MAPK4: variants seen among roughly 807,000 people sequenced by gnomAD.
MAPK4 encodes the protein Erk3-related.
Under a neutral mutation model 47.7 loss-of-function variants are expected in MAPK4, and 22 were observed. That is an observed-to-expected ratio of 0.46 (90% CI 0.33 to 0.66). The LOEUF is 0.66. Ranked by LOEUF, MAPK4 falls within the 30% of genes least tolerant of loss-of-function variation. The pLI, the probability that MAPK4 is intolerant of heterozygous loss-of-function variation, is 0.02. For synonymous variants in MAPK4, 390 were observed against 365.7 expected, an observed-to-expected ratio of 1.07 and a Z score of -0.76; for missense variants, 736 against 831.7, an observed-to-expected ratio of 0.88 and a Z score of 1.42.
At chr18:50,640,327 G>A (rs2042928524) in intron 1 of MAPK4, among the ~76,000 whole-genome samples, 1 of 150,532 alleles carries the variant, frequency 6.6e-6, no homozygotes, top group African/African-American at 2.4e-5. Flanking sequence ...AAAGAAACTT[G>A]GACTTATACA....
At chr18:50,695,737 G>A (rs17804724) in intron 2 of MAPK4, among the ~76,000 whole-genome samples, 22,786 of 152,134 alleles carry the variant, frequency 0.15, 2,033 homozygotes, top group East Asian at 0.24. Context: ...GAGAAATAAG[G>A]CTGCAGGATT....
At chr18:50,620,954 C>G (rs1037774585) in intron 1 of MAPK4, among the ~76,000 whole-genome samples, 2 of 152,034 alleles carry the variant, frequency 1.3e-5, no homozygotes, top group African/African-American at 4.8e-5. Context: ...GCCAAGTATC[C>G]TCTTTATTAT....
chr18:50,640,619 C>T (rs2144180017), intron 1 of MAPK4, among the ~76,000 whole-genome samples: 2 of 152,252 alleles, frequency 1.3e-5, no homozygotes, highest in African/African-American at 4.8e-5. Flanking sequence ...GTGTGCGCCA[C>T]CACGTCTGGC....
intron 1 of MAPK4, among the ~76,000 whole-genome samples, chr18:50,626,534 A>G (rs1195446266): frequency 6.6e-6 from 1 of 152,126 alleles, no homozygotes; most frequent in African/African-American, 2.4e-5. Context: ...CTTTGGCCCA[A>G]GGGTTCATCA....
At chr18:50,619,743 A>T (rs906810848) in intron 1 of MAPK4, among the ~76,000 whole-genome samples, 1 of 152,216 alleles carries the variant, frequency 6.6e-6, no homozygotes, top group Non-Finnish European at 1.5e-5. Flanking sequence ...GAGCACACTC[A>T]CACTCCATGG....
At chr18:50,687,896 C>T (rs964742405) in intron 2 of MAPK4, among the ~76,000 whole-genome samples, 2 of 152,088 alleles carry the variant, frequency 1.3e-5, no homozygotes, top group African/African-American at 4.8e-5. Flanking sequence ...TCAGGTGTCT[C>T]CTGGGTCCTA....
intron 1 of MAPK4, among the ~76,000 whole-genome samples, chr18:50,628,450 TGTTG>T (rs1344710841): frequency 6.6e-6 from 1 of 152,226 alleles, no homozygotes; most frequent in Admixed American, 6.5e-5. Context: ...TAGAATCAAA[TGTTG>T]GCCTTTTGGG....
chr18:50,654,095 A>G (rs971617036), intron 1 of MAPK4, among the ~76,000 whole-genome samples: 3 of 152,324 alleles, frequency 2.0e-5, no homozygotes, highest in Middle Eastern at 3.4e-3. Context: ...CACATCTGCC[A>G]TTGCTGGTCG....
At chr18:50,598,830 G>A (rs965657776) in intron 1 of MAPK4, among the ~76,000 whole-genome samples, 2 of 152,128 alleles carry the variant, frequency 1.3e-5, no homozygotes, top group African/African-American at 4.8e-5. Context: ...CTGAAGCTAG[G>A]TTTGTCTGAT....
At chr18:50,638,505 G>T (rs925389148) in intron 1 of MAPK4, among the ~76,000 whole-genome samples, 2 of 152,172 alleles carry the variant, frequency 1.3e-5, no homozygotes, top group African/African-American at 4.8e-5. Context: ...CACCCTGAAG[G>T]TTTCCGTATT....
At position 50,729,894 on chromosome 18, in the gene MAPK4, C is replaced by A. The variant is rs779164547; in HGVS notation, c.*40C>A. 6.7e-7 allele frequency: 1 copy of A among 1,498,584 alleles called. No homozygotes were observed. The highest frequency in any genetic ancestry group is 2.1e-5 in the Admixed American group (1 of 48,406). 92.8% of individuals were successfully genotyped at this position (1,498,584 alleles called of 1,614,324 possible). Reference sequence around the variant, plus strand: ...CTCCAGGCCCCACAGAGCAGGAGACCCCCAGAGAAAGCCGGGGCTGGCAGG... The same window carrying A: ...CTCCAGGCCCCACAGAGCAGGAGACACCCAGAGAAAGCCGGGGCTGGCAGG... On this transcript the variant is annotated 3_prime_UTR_variant, in exon 6 of 6. Transcript: ENST00000400384.
intron 1 of MAPK4, among the ~76,000 whole-genome samples, chr18:50,579,203 G>T (rs577796582): frequency 1.3e-5 from 2 of 152,240 alleles, no homozygotes; most frequent in East Asian, 3.9e-4. Context: ...GAACATGCAC[G>T]TGCAGGAGAC....
rs954583623 is a variant in MAPK4, at chr18:50,730,687, C to G, written c.*833C>G. 1 of 152,602 alleles carries G rather than the reference C, an allele frequency of 6.6e-6. No homozygotes were observed. The highest frequency in any genetic ancestry group is 2.4e-5 in the African/African-American group (1 of 41,396). 9.5% of individuals were successfully genotyped at this position (152,602 alleles called of 1,614,324 possible). On this transcript the variant is annotated 3_prime_UTR_variant, in exon 6 of 6. Transcript: ENST00000400384. ...ACACCCCCTCAGCACTCCCTATGCA[C>G]TTTCCTGACACGCAAAGACACAGCC...
At chr18:50,691,084 C>T (rs1386864443) in intron 2 of MAPK4, among the ~76,000 whole-genome samples, 2 of 152,148 alleles carry the variant, frequency 1.3e-5, no homozygotes, top group Non-Finnish European at 2.9e-5. Flanking sequence ...CCTCCGCCTC[C>T]TGGGCTCAAG....
Position 50,715,373 on chromosome 18 carries a change from A to C in MAPK4, c.691+150A>C, listed in dbSNP as rs1294531551. On this transcript the variant is annotated intron_variant, in intron 3 of 5. Coordinates refer to ENST00000400384, the MANE Select transcript of MAPK4 (RefSeq NM_002747.4). ...TTATGACACTATTTGGAGGCACCTTATTATATTGTCAGGCAAAAATACTGG... is the reference window on the plus strand; with the variant it reads ...TTATGACACTATTTGGAGGCACCTTCTTATATTGTCAGGCAAAAATACTGG... The C allele has an allele frequency of 3.5e-5, 35 of 992,930 alleles. 2 individuals carry two copies. Among genetic ancestry groups the C allele is most frequent in the South Asian group, 3.4e-4 (19 of 55,864 alleles). The allele number at this position is 992,930 out of a possible 1,614,324, so 61.5% of individuals were successfully genotyped here.
At chr18:50,673,257 A>G (rs1349212719) in intron 2 of MAPK4, among the ~76,000 whole-genome samples, 1 of 152,210 alleles carries the variant, frequency 6.6e-6, no homozygotes, top group African/African-American at 2.4e-5. Context: ...AGCCTAAGCG[A>G]AAGAGTGAAA....
intron 2 of MAPK4, among the ~76,000 whole-genome samples, chr18:50,698,196 A>G (rs911253723): frequency 3.3e-5 from 5 of 152,204 alleles, no homozygotes; most frequent in African/African-American, 1.2e-4. Context: ...GCTTCAGAGT[A>G]TTAGGCCTTC....
At chr18:50,582,001 G>T (rs1018939892) in intron 1 of MAPK4, among the ~76,000 whole-genome samples, 5 of 152,196 alleles carry the variant, frequency 3.3e-5, no homozygotes, top group African/African-American at 1.2e-4. Flanking sequence ...GGGCTTATCT[G>T]CTGGAGGGTT....
At position 50,664,013 on chromosome 18, in the gene MAPK4, C is replaced by T. The variant is rs750579920; in HGVS notation, c.55C>T (p.Arg19Cys). The change falls in exon 2 of 6, where the codon CGC (arginine) becomes TGC (cysteine). Residue 19 changes from arginine to cysteine, a missense_variant. Coordinates refer to ENST00000400384, the MANE Select transcript of MAPK4 (RefSeq NM_002747.4). The surrounding 1 kb of genome is among the most constrained non-coding windows in gnomAD (Gnocchi z 6.0). ...ASVYGYDLGG[R>C]FVDFQPLGFG... The stretch of plus-strand genomic sequence containing the variant: ...TGTCTATGGGTATGACCTCGGTGGG[C>T]GCTTTGTTGACTTCCAACCCCTGGG... The T allele has an allele frequency of 1.1e-5, 17 of 1,613,486 alleles. No homozygotes were observed. The highest frequency in any genetic ancestry group is 6.7e-5 in the Admixed American group (4 of 60,000).
Sources: allele counts gnomAD v4.1 joint callset (sites outside exome capture counted in the v4.1 genomes callset), GRCh38; gene constraint gnomAD v4.1.1; non-coding constraint Gnocchi (gnomAD v3.1); transcripts MANE v1.5; gene names NCBI Gene and HGNC (gene_info 2026-07-23, HGNC 2026-07-21).